CEP83: variants seen among roughly 807,000 people sequenced by gnomAD.
The protein encoded by CEP83 is centrosomal protein 83, also known as centrosomal protein of 83 kDa.
A neutral mutation model predicts 101.9 loss-of-function variants in CEP83; 70 were observed. The observed-to-expected ratio is 0.69, with a 90% CI of 0.57 to 0.84. The LOEUF is 0.84. Among genes scored for constraint, CEP83 ranks in the 40% least tolerant of loss-of-function variants. The probability of loss-of-function intolerance (pLI) is 0.00; values close to 1 mark genes in which losing one functional copy is unlikely to be tolerated. For missense variants in CEP83, 715 were observed against 787.2 expected (o/e 0.91, Z 1.10); for synonymous variants, 264 against 267.9 (o/e 0.99, Z 0.14).
At chr12:94,409,260 A>C (rs1239672572) in intron 4 of CEP83, among the ~76,000 whole-genome samples, 1 of 152,070 alleles carries the variant, frequency 6.6e-6, no homozygotes, top group Non-Finnish European at 1.5e-5. Flanking sequence ...TTTGCCAAAT[A>C]AATATCACAC....
At chr12:94,362,407 G>T (rs1682442047) in intron 11 of CEP83, among the ~76,000 whole-genome samples, 1 of 152,166 alleles carries the variant, frequency 6.6e-6, no homozygotes, top group African/African-American at 2.4e-5. Context: ...ATCACTTGAG[G>T]TCAAGAGTTG....
chr12:94,438,003 G>A lies in CEP83; in HGVS notation c.-154-2676C>T, dbSNP rs1265607963. On this transcript the variant is annotated intron_variant, in intron 1 of 16. Coordinates refer to ENST00000397809, the MANE Select transcript of CEP83 (RefSeq NM_016122.3). ...AGGCCAAGGTGGGCAGATCACCTGA[G>A]GTCAGGAGTTCAAGACCAGCCTGGC... Among the ~76,000 whole-genome samples the A allele has an allele frequency of 2.0e-5, 3 of 152,084 alleles. No individual in the cohort carries two copies. The East Asian group carries it at 5.8e-4, about 29-fold the overall frequency.
At chr12:94,447,045 CA>C (rs2066861502) in intron 1 of CEP83, among the ~76,000 whole-genome samples, 1 of 152,082 alleles carries the variant, frequency 6.6e-6, no homozygotes, top group South Asian at 2.1e-4. Context: ...TAAAGAAACA[CA>C]AAAAACTCAC....
chr12:94,310,060 T>C lies in CEP83; in HGVS notation c.1859A>G (p.Lys620Arg). Residue 620 changes from lysine to arginine, a missense_variant, in exon 16 of 17, where the codon AAA becomes AGA. By Grantham distance (26) the Lys-to-Arg change is conservative. Transcript: ENST00000397809. The part of the protein sequence containing the change: ...EDYTRLQKRL[K>R]DIQRRHNEFR... Reference sequence around the variant, plus strand: ...TTCATTATGTCTTCTCTGTATATCTTTTAGTCTTTTTTGAAGCCTTGTATA... The same window carrying C: ...TTCATTATGTCTTCTCTGTATATCTCTTAGTCTTTTTTGAAGCCTTGTATA... The C allele has an allele frequency of 6.2e-7, 1 of 1,604,480 alleles. No individual in the cohort carries two copies. Among genetic ancestry groups the C allele is most frequent in the Non-Finnish European group, 8.5e-7 (1 of 1,172,242 alleles).
intron 2 of CEP83, among the ~76,000 whole-genome samples, chr12:94,419,326 T>C (rs1432690220): frequency 6.6e-6 from 1 of 152,024 alleles, no homozygotes; most frequent in Non-Finnish European, 1.5e-5. Flanking sequence ...CTATTTATTA[T>C]AGGAAAACTG....
chr12:94,432,309 A>G (rs7980846), intron 2 of CEP83, among the ~76,000 whole-genome samples: 86,960 of 151,592 alleles, frequency 0.57, 25,091 homozygotes, highest in African/African-American at 0.64. Flanking sequence ...TGATCCGCCC[A>G]CCTCGGCCTC....
chr12:94,294,572 C>G, the CEP83 span: 10 of 949,508 alleles, frequency 1.1e-5, no homozygotes, highest in Non-Finnish European at 1.7e-5. Context: ...ACCTTTTGTT[C>G]TCACCCAGCT....
the CEP83 span, among the ~76,000 whole-genome samples, chr12:94,280,752 C>G: frequency 6.6e-6 from 1 of 152,246 alleles, no homozygotes; most frequent in African/African-American, 2.4e-5. Context: ...GTGGCTGTCA[C>G]TACAAAGGAC....
intron 11 of CEP83, among the ~76,000 whole-genome samples, chr12:94,352,431 A>G (rs2060244179): frequency 6.6e-6 from 1 of 151,708 alleles, no homozygotes; most frequent in African/African-American, 2.4e-5. Context: ...AAAAAAAAAA[A>G]AAAAGAAACA....
intron 14 of CEP83, among the ~76,000 whole-genome samples, chr12:94,314,647 A>T (rs1403059744): frequency 1.3e-5 from 2 of 152,216 alleles, no homozygotes; most frequent in African/African-American, 4.8e-5. Flanking sequence ...AGTTGGGACT[A>T]TTACAAATAA....
intron 11 of CEP83, among the ~76,000 whole-genome samples, chr12:94,362,106 A>G (rs1040492432): frequency 1.3e-5 from 2 of 152,328 alleles, no homozygotes; most frequent in Admixed American, 1.3e-4. Context: ...TGGGCAAATG[A>G]TCTGAATGGA....
the CEP83 span, among the ~76,000 whole-genome samples, chr12:94,269,994 T>G: frequency 6.6e-6 from 1 of 152,262 alleles, no homozygotes; most frequent in Non-Finnish European, 1.5e-5. Flanking sequence ...ATCTTGGAAT[T>G]AGAAAATAAT....
intron 1 of CEP83, among the ~76,000 whole-genome samples, chr12:94,452,425 G>A (rs923817642): frequency 2.6e-5 from 4 of 152,120 alleles, no homozygotes; most frequent in African/African-American, 7.2e-5. Flanking sequence ...GTTGATAGTT[G>A]TAGTAATCAA....
At chr12:94,369,792 G>A in intron 9 of CEP83, 130 bp downstream of exon 9, 1 of 587,234 alleles carries the variant, frequency 1.7e-6, no homozygotes, top group Non-Finnish European at 3.0e-6. Flanking sequence ...CATTTCATAT[G>A]TACTCCAAAA....
Position 94,331,734 on chromosome 12 carries a change from T to C in CEP83, c.1673A>G (p.Glu558Gly), listed in dbSNP as rs2059233883. The C allele has an allele frequency of 6.2e-7, 1 of 1,613,974 alleles. No individual in the cohort carries two copies. The highest frequency in any genetic ancestry group is 1.3e-5 in the African/African-American group (1 of 74,938). Residue 558 changes from glutamate to glycine, a missense_variant, in exon 14 of 17, where the codon GAG becomes GGG. Physicochemically the swap from Glu to Gly is moderately conservative, Grantham distance 98. Coordinates refer to ENST00000397809, the MANE Select transcript of CEP83 (RefSeq NM_016122.3). ...GGCAATTGCAGCTCGCTGCAGTTTCTCCTTAGCTTGATTGTACTTTTCTTC... is the reference window on the plus strand; with the variant it reads ...GGCAATTGCAGCTCGCTGCAGTTTCCCCTTAGCTTGATTGTACTTTTCTTC... ...DREEKYNQAK[E>G]KLQRAAIAQK...
At chr12:94,356,068 T>C (rs1163052497) in intron 11 of CEP83, among the ~76,000 whole-genome samples, 1 of 152,192 alleles carries the variant, frequency 6.6e-6, no homozygotes, top group Non-Finnish European at 1.5e-5. Flanking sequence ...CAAGCCTGTC[T>C]CGGCAAGTGG....
intron 1 of CEP83, among the ~76,000 whole-genome samples, chr12:94,455,992 G>C (rs986327473): frequency 1.3e-5 from 2 of 148,240 alleles, no homozygotes; most frequent in African/African-American, 5.0e-5. Context: ...AGGTTGCAGT[G>C]AACAAAGATT....
In CEP83 at chr12:94,424,314, C is replaced by T; in HGVS notation, c.-102+10961G>A. 2.5e-6 allele frequency: 4 copies of T among 1,614,170 alleles called. No individual in the cohort carries two copies. In the Admixed American group the frequency reaches 6.7e-5, roughly 27 times the overall value. Reference sequence around the variant, plus strand: ...TTCTGTCGTTTCTTTGGCCCGCCATCAGCAAATTTGCAAAGCAAGGGATCG... The same window carrying T: ...TTCTGTCGTTTCTTTGGCCCGCCATTAGCAAATTTGCAAAGCAAGGGATCG... On this transcript the variant is annotated intron_variant, in intron 2 of 16. Transcript: ENST00000397809.
At chr12:94,412,853 TA>T (rs2063986969) in intron 2 of CEP83, among the ~76,000 whole-genome samples, 1 of 150,624 alleles carries the variant, frequency 6.6e-6, no homozygotes, top group African/African-American at 2.4e-5. Flanking sequence ...CATACCCGGC[TA>T]ATTTTTTTTT....
Sources: gnomAD v4.1 joint callset for allele counts (sites outside exome capture counted in the v4.1 genomes callset) on GRCh38, gnomAD v4.1.1 for gene constraint, MANE v1.5 for transcripts, NCBI Gene and HGNC (gene_info 2026-07-23, HGNC 2026-07-21) for gene names.